The following SUB1 variants were observed in gnomAD, a reference collection of about 807,000 sequenced individuals.
The protein encoded by SUB1 is activated RNA polymerase II transcriptional coactivator p15.
Under a neutral mutation model 16.9 loss-of-function variants are expected in SUB1, and 1 was observed. The ratio of observed to expected loss-of-function variants is 0.06; its 90% CI spans 0.02 to 0.28. The LOEUF is 0.28. Ranked by LOEUF, SUB1 falls within the 10% of genes least tolerant of loss-of-function variation. The probability of loss-of-function intolerance (pLI) is 1.00; values close to 1 mark genes in which losing one functional copy is unlikely to be tolerated. For synonymous variants in SUB1, 51 were observed against 46.9 expected, an observed-to-expected ratio of 1.09 and a Z score of -0.36; for missense variants, 84 against 145.2, an observed-to-expected ratio of 0.58 and a Z score of 2.16.
chr5:32,590,762 A>ATTTTTTTTTTTTTTCT (rs1738801906), intron 2 of SUB1, among the ~76,000 whole-genome samples: 1 of 33,960 alleles, frequency 2.9e-5, no homozygotes, highest in African/African-American at 1.1e-4. Context: ...CGCCTGGCTA[A>ATTTTTTTTTTTTTTCT]TTTTTTTTTT....
Position 32,592,712 on chromosome 5 carries a change from G to GA in SUB1, c.195+1037dup, listed in dbSNP as rs531710246. 2.0e-3 allele frequency among the ~76,000 whole-genome samples: 295 copies of GA among 149,028 alleles called. 1 individual carries two copies. Among genetic ancestry groups the GA allele is most frequent in the Non-Finnish European group, 3.1e-3 (205 of 67,092 alleles). ...TGTGGACTTGATTGTGGATGTGATT[G>GA]AAAAAAAAAATGGTGTTGCTTCTGT... On this transcript the variant is annotated intron_variant, in intron 3 of 4. Coordinates refer to ENST00000265073, the MANE Select transcript of SUB1 (RefSeq NM_006713.4).
At chr5:32,588,855 A>G (rs959598787) in intron 2 of SUB1, among the ~76,000 whole-genome samples, 12 of 152,146 alleles carry the variant, frequency 7.9e-5, no homozygotes, top group Non-Finnish European at 1.2e-4. Flanking sequence ...GTGAATGGGT[A>G]TTTCTGGAGG....
At chr5:32,599,638 C>T (rs1007367252) in intron 4 of SUB1, among the ~76,000 whole-genome samples, 4 of 151,232 alleles carry the variant, frequency 2.6e-5, no homozygotes, top group African/African-American at 9.7e-5. Context: ...AAAATGCTTC[C>T]TTATTTAGTT....
Position 32,603,267 on chromosome 5 carries a change from C to T in SUB1, c.*2183C>T, listed in dbSNP as rs2111696649. ...TGGGTTAAAAGCAAATTAACTTGTT[C>T]TGAAAAGAAAGTATAGATTAATTTT... is the stretch of plus-strand genomic sequence containing the variant. On this transcript the variant is annotated 3_prime_UTR_variant, in exon 5 of 5. Transcript: ENST00000265073. 6.6e-6 allele frequency: 1 copy of T among 152,188 alleles called. No individual in the cohort carries two copies. Among genetic ancestry groups the T allele is most frequent in the East Asian group, 1.9e-4 (1 of 5,192 alleles). The allele number at this position is 152,188 out of a possible 1,614,324, so 9.4% of individuals were successfully genotyped here.
chr5:32,589,950 AG>A (rs1738776242), intron 2 of SUB1, among the ~76,000 whole-genome samples: 1 of 152,152 alleles, frequency 6.6e-6, no homozygotes, highest in Non-Finnish European at 1.5e-5. Flanking sequence ...GTATAAATAT[AG>A]AATATAACAA....
Position 32,591,642 on chromosome 5 carries a change from C to T in SUB1, c.152C>T (p.Ser51Phe). ...KTGETSRALS[S>F]SKQSSSSRDD... Reference sequence around the variant, plus strand: ...GGTGAGACTTCGAGAGCCCTGTCATCTTCTAAACAGAGCAGCAGCAGCAGA... The same window carrying T: ...GGTGAGACTTCGAGAGCCCTGTCATTTTCTAAACAGAGCAGCAGCAGCAGA... Residue 51 changes from serine to phenylalanine, a missense_variant, in exon 3 of 5, where the codon TCT becomes TTT. Physicochemically the swap from Ser to Phe is radical, Grantham distance 155. Transcript: ENST00000265073. The T allele has an allele frequency of 6.2e-7, 1 of 1,606,776 alleles. No homozygotes were observed. The highest frequency in any genetic ancestry group is 8.5e-7 in the Non-Finnish European group (1 of 1,177,398).
chr5:32,591,912 C>T (rs1738837572), intron 3 of SUB1, among the ~76,000 whole-genome samples: 1 of 152,114 alleles, frequency 6.6e-6, no homozygotes, highest in African/African-American at 2.4e-5. Context: ...CTTGGCCAGG[C>T]TGGTCTTGAA....
At chr5:32,596,344 G>T (rs551903121) in intron 3 of SUB1, 5 of 151,992 alleles carry the variant, frequency 3.3e-5, no homozygotes, top group Admixed American at 6.5e-5. Context: ...TTAGGTTTCT[G>T]GTTTACCTTT....
intron 3 of SUB1, chr5:32,596,336 A>C (rs1051045044): frequency 1.3e-5 from 2 of 152,094 alleles, no homozygotes; most frequent in Non-Finnish European, 2.9e-5. Flanking sequence ...TATTTTCTTT[A>C]GGTTTCTGGT....
intron 3 of SUB1, among the ~76,000 whole-genome samples, chr5:32,592,614 A>G (rs1205871636): frequency 6.6e-6 from 1 of 152,196 alleles, no homozygotes; most frequent in Admixed American, 6.5e-5. Context: ...GTTTTTCCTA[A>G]AGAAGAAATT....
At chr5:32,598,936 C>T in intron 3 of SUB1, 25 bp from the exon 4 acceptor site, 10 of 1,577,298 alleles carry the variant, frequency 6.3e-6, no homozygotes, top group Non-Finnish European at 8.7e-6. Context: ...AGGAGCACCT[C>T]TTTTTATGTT....
intron 4 of SUB1, 105 bp from the exon 5 acceptor site, chr5:32,600,900 C>T: frequency 9.4e-7 from 1 of 1,058,490 alleles, no homozygotes. Flanking sequence ...CCACCGCGCC[C>T]AGCCTAAAGT....
intron 2 of SUB1, among the ~76,000 whole-genome samples, chr5:32,590,762 A>ATGTTTTTTT (rs1680786256): frequency 2.9e-5 from 1 of 33,960 alleles, no homozygotes; most frequent in Non-Finnish European, 5.4e-5. Context: ...CGCCTGGCTA[A>ATGTTTTTTT]TTTTTTTTTT....
chr5:32,588,020 C>T (rs1738717578), intron 1 of SUB1, among the ~76,000 whole-genome samples: 1 of 152,136 alleles, frequency 6.6e-6, no homozygotes, highest in African/African-American at 2.4e-5. Flanking sequence ...AATTAGATGT[C>T]ACATTTGCAT....
Position 32,585,612 on chromosome 5 carries a change from G to C in SUB1, c.-15G>C, listed in dbSNP as rs1269553362. The stretch of plus-strand genomic sequence containing the variant: ...CGACCAAGAGGGTGTTCGACTGCTA[G>C]AGCCGAGCGAAGCGTGAGTGCGCGG... On this transcript the variant is annotated 5_prime_UTR_variant, in exon 1 of 5. Coordinates refer to ENST00000265073, the MANE Select transcript of SUB1 (RefSeq NM_006713.4). The C allele has an allele frequency of 2.0e-5, 3 of 152,292 alleles. No individual in the cohort carries two copies. The highest frequency in any genetic ancestry group is 2.9e-5 in the Non-Finnish European group (2 of 68,102). 9.4% of individuals were successfully genotyped at this position (152,292 alleles called of 1,614,324 possible).
intron 2 of SUB1, among the ~76,000 whole-genome samples, chr5:32,590,176 A>T (rs1229097033): frequency 6.6e-6 from 1 of 152,218 alleles, no homozygotes; most frequent in Non-Finnish European, 1.5e-5. Context: ...TGTTTGTCCC[A>T]AATAGTAATA....
intron 2 of SUB1, among the ~76,000 whole-genome samples, chr5:32,589,468 AT>A (rs1457999802): frequency 6.6e-6 from 1 of 152,216 alleles, no homozygotes; most frequent in African/African-American, 2.4e-5. Flanking sequence ...GACTTGGTAC[AT>A]TTTTAAGTTT....
intron 2 of SUB1, among the ~76,000 whole-genome samples, chr5:32,589,489 T>C (rs922423662): frequency 1.2e-4 from 18 of 152,338 alleles, no homozygotes; most frequent in Admixed American, 2.6e-4. Context: ...TGTACTAAGT[T>C]TGTGCTCTGG....
At position 32,602,338 on chromosome 5, in the gene SUB1, A is replaced by G. The variant is rs1739135792; in HGVS notation, c.*1254A>G. On this transcript the variant is annotated 3_prime_UTR_variant, in exon 5 of 5. Transcript: ENST00000265073. ...AAGAGGAAATAATTCTCTTCTATCT[A>G]AATGATATACATATGATATTTTGAG... is the stretch of plus-strand genomic sequence containing the variant. 9.9e-6 allele frequency: 4 copies of G among 402,410 alleles called. No homozygotes were observed. The highest frequency in any genetic ancestry group is 2.0e-5 in the Non-Finnish European group (4 of 204,478). 24.9% of individuals were successfully genotyped at this position (402,410 alleles called of 1,614,324 possible). A position where few individuals can be genotyped will look rare whatever the true frequency, so the allele number is the denominator to read the frequency against.
Sources: allele counts gnomAD v4.1 joint callset (sites outside exome capture counted in the v4.1 genomes callset), GRCh38; gene constraint gnomAD v4.1.1; transcripts MANE v1.5; gene names NCBI Gene and HGNC (gene_info 2026-07-23, HGNC 2026-07-21).